The following TTC7A variants were observed in gnomAD, a reference collection of about 807,000 sequenced individuals.
TTC7A encodes the protein tetratricopeptide repeat domain 7A.
Under a neutral mutation model 103.7 loss-of-function variants are expected in TTC7A, and 110 were observed. The ratio of observed to expected loss-of-function variants is 1.06; its 90% confidence interval spans 0.91 to 1.24. The LOEUF is 1.24. Among genes scored for constraint, TTC7A ranks in the 50% most tolerant of loss-of-function variants. The pLI, the probability that TTC7A is intolerant of heterozygous loss-of-function variation, is 0.00. For synonymous variants in TTC7A, 521 were observed against 467.9 expected (o/e 1.11, Z -1.47); for missense variants, 1,340 against 1,116.3 (o/e 1.20, Z -2.86).
intron 8 of TTC7A, among the ~76,000 whole-genome samples, chr2:46,996,783 T>C (rs1254287017): frequency 6.6e-6 from 1 of 152,188 alleles, no homozygotes; most frequent in Non-Finnish European, 1.5e-5. Context: ...GGGAGAACAG[T>C]GTGCTTTTTA....
At chr2:47,024,224 C>A in intron 13 of TTC7A, 63 bp from the exon 14 acceptor site, 2 of 1,445,078 alleles carry the variant, frequency 1.4e-6, no homozygotes, top group African/African-American at 2.9e-5. Flanking sequence ...TGCTGGAGGC[C>A]CGAGTCACAC....
chr2:46,996,921 G>A (rs1676250556), intron 8 of TTC7A, among the ~76,000 whole-genome samples: 2 of 152,110 alleles, frequency 1.3e-5, no homozygotes, highest in South Asian at 4.2e-4. Flanking sequence ...CAGTGAGACT[G>A]CCCTGGAATC....
Position 47,029,208 on chromosome 2 carries a change from C to T in TTC7A, c.1642-16C>T, listed in dbSNP as rs375063813. 12 of 1,612,768 alleles carry T rather than the reference C, an allele frequency of 7.4e-6. No homozygotes were observed. Among genetic ancestry groups the T allele is most frequent in the African/African-American group, 6.7e-5 (5 of 74,926 alleles). On this transcript the variant is annotated splice_polypyrimidine_tract_variant and intron_variant, in intron 14 of 19. Coordinates refer to ENST00000319190, the MANE Select transcript of TTC7A (RefSeq NM_020458.4). ...ATGTGCCTGGGGAAGGCTAACCTGG[C>T]GGGTTCCTTCAACAGATCTCCAGTG...
At position 47,029,333 on chromosome 2, in the gene TTC7A, A is replaced by C; in HGVS notation, c.1751A>C (p.His584Pro). Residue 584 changes from histidine to proline, a missense_variant, in exon 15 of 20, where the codon CAT becomes CCT. Transcript: ENST00000319190. ...TTCTCTGCCCAGAAGCACCACCAGCATGCCCTGGATGTTGTCAACATGGCC... is the reference window on the plus strand; with the variant it reads ...TTCTCTGCCCAGAAGCACCACCAGCCTGCCCTGGATGTTGTCAACATGGCC... ...LLFSAQKHHQ[H>P]ALDVVNMAIT... is the part of the protein sequence containing the mutation. The C allele has an allele frequency of 6.2e-7, 1 of 1,614,092 alleles. No individual in the cohort carries two copies. The highest frequency in any genetic ancestry group is 8.5e-7 in the Non-Finnish European group (1 of 1,180,028).
At position 47,026,529 on chromosome 2, in the gene TTC7A, G is replaced by C. The variant is rs186003692; in HGVS notation, c.1641+2170G>C. ...AGAAGGGTGGAAGGCTGGGTCTGAG[G>C]TTTGGCAAGGAGCAGGACTCTTAAA... is the stretch of plus-strand genomic sequence containing the variant. On this transcript the variant is annotated intron_variant, in intron 14 of 19. Coordinates refer to ENST00000319190, the MANE Select transcript of TTC7A (RefSeq NM_020458.4). Among the ~76,000 whole-genome samples the C allele has an allele frequency of 4.6e-5, 7 of 152,202 alleles. No individual in the cohort carries two copies. In the East Asian group the frequency reaches 7.7e-4, roughly 17 times the overall value.
intron 8 of TTC7A, among the ~76,000 whole-genome samples, chr2:46,996,446 G>A (rs534413789): frequency 6.6e-6 from 1 of 152,366 alleles, no homozygotes; most frequent in South Asian, 2.1e-4. Flanking sequence ...TGTTCCCTTG[G>A]ATGCCTGGGA....
In TTC7A at chr2:47,060,808, G is replaced by T; in HGVS notation, c.2192G>T (p.Gly731Val). The change falls in exon 19 of 20, where the codon GGT becomes GTT. Residue 731 changes from glycine (G) to valine (V), a missense_variant. Coordinates refer to ENST00000319190, the MANE Select transcript of TTC7A (RefSeq NM_020458.4). ...GAGCAGCAGCACCTCAAGGAAGCAGGTTTCTGCATCCAGGAGGCGGCGGGC... is the reference window on the plus strand; with the variant it reads ...GAGCAGCAGCACCTCAAGGAAGCAGTTTTCTGCATCCAGGAGGCGGCGGGC... ...FMEQQHLKEA[G>V]FCIQEAAGLF... is the part of the protein sequence containing the mutation. 6.2e-7 allele frequency: 1 copy of T among 1,613,122 alleles called. No individual in the cohort carries two copies. The highest frequency in any genetic ancestry group is 1.1e-5 in the South Asian group (1 of 91,012).
chr2:47,053,422 G>GT (rs1683035715), intron 18 of TTC7A, among the ~76,000 whole-genome samples: 1 of 152,208 alleles, frequency 6.6e-6, no homozygotes, highest in South Asian at 2.1e-4. Context: ...GGAATGCAGC[G>GT]TAACACAGTG....
chr2:47,045,109 A>C (rs1682176690), intron 15 of TTC7A, among the ~76,000 whole-genome samples: 1 of 152,152 alleles, frequency 6.6e-6, no homozygotes, highest in Admixed American at 6.5e-5. Flanking sequence ...AGTGATACTG[A>C]GAAGAAAGGG....
chr2:46,994,308 G>A, intron 6 of TTC7A, 49 bp from the exon 7 acceptor site: 2 of 1,581,614 alleles, frequency 1.3e-6, no homozygotes, highest in Non-Finnish European at 1.7e-6. Flanking sequence ...GTCATGCTGG[G>A]GTAGAGCTGA....
rs1032466910 is a variant in TTC7A, at chr2:46,984,123, G to A, written c.764+5216G>A. Among the ~76,000 whole-genome samples, 24 of 152,226 alleles carry A rather than the reference G, an allele frequency of 1.6e-4. 1 individual carries two copies. The highest frequency in any genetic ancestry group is 5.5e-4 in the African/African-American group (23 of 41,452). On this transcript the variant is annotated intron_variant, in intron 5 of 19. Transcript: ENST00000319190. Reference sequence around the variant, plus strand: ...ATCCCTGCTTCACAGATGGGAAATCGAGGCACGGGGAACAAAAATGACTTG... The same window carrying A: ...ATCCCTGCTTCACAGATGGGAAATCAAGGCACGGGGAACAAAAATGACTTG...
At chr2:46,970,732 C>T (rs140852058) in intron 3 of TTC7A, among the ~76,000 whole-genome samples, 1 of 152,326 alleles carries the variant, frequency 6.6e-6, no homozygotes, top group Non-Finnish European at 1.5e-5. Context: ...CTAGCTCTGG[C>T]AGTGAGCAAC....
At chr2:46,994,842 A>T (rs1676009407) in intron 7 of TTC7A, among the ~76,000 whole-genome samples, 1 of 152,202 alleles carries the variant, frequency 6.6e-6, no homozygotes, top group Admixed American at 6.5e-5. Context: ...AGCAGAGCGT[A>T]GTTCTGGCTT....
upstream of TTC7A, among the ~76,000 whole-genome samples, chr2:46,939,352 C>T (rs1238194656): frequency 1.3e-5 from 2 of 152,102 alleles, no homozygotes; most frequent in African/African-American, 2.4e-5. Context: ...TTTTTTTACA[C>T]CCCTGAGAAA....
intron 14 of TTC7A, 74 bp from the exon 15 acceptor site, chr2:47,029,150 G>A: frequency 6.4e-7 from 1 of 1,560,072 alleles, no homozygotes; most frequent in Non-Finnish European, 8.7e-7. Context: ...TGCCCTTGTT[G>A]ACTGGCACGT....
intron 4 of TTC7A, among the ~76,000 whole-genome samples, chr2:46,978,505 T>A (rs971615716): frequency 4.8e-5 from 7 of 146,392 alleles, no homozygotes; most frequent in African/African-American, 1.5e-4. Context: ...GGTGGGAGGA[T>A]TGCTTAAGCC....
intron 19 of TTC7A, 105 bp from the exon 20 acceptor site, chr2:47,073,597 C>A: frequency 1.0e-6 from 1 of 952,684 alleles, no homozygotes; most frequent in Non-Finnish European, 1.7e-6. Flanking sequence ...GGAATCCTCT[C>A]GAGCTGATGG....
chr2:47,001,615 G>T (rs1255840924), intron 8 of TTC7A, among the ~76,000 whole-genome samples: 3 of 152,176 alleles, frequency 2.0e-5, no homozygotes, highest in Non-Finnish European at 4.4e-5. Flanking sequence ...CCAGCACTTT[G>T]GGAGGCCGAG....
chr2:46,938,731 A>T (rs749092954), upstream of TTC7A, among the ~76,000 whole-genome samples: 6 of 152,058 alleles, frequency 3.9e-5, no homozygotes, highest in Non-Finnish European at 7.4e-5. Context: ...AGCACTTTGG[A>T]GGCTGGGCAG....
Sources: allele counts gnomAD v4.1 joint callset (sites outside exome capture counted in the v4.1 genomes callset), GRCh38; gene constraint gnomAD v4.1.1; transcripts MANE v1.5; gene names NCBI Gene and HGNC (gene_info 2026-07-23, HGNC 2026-07-21).